Variants in MED12L observed in about 807,000 individuals in gnomAD.
MED12L encodes the protein mediator of RNA polymerase II transcription subunit 12-like protein.
MED12L carries 60 observed loss-of-function variants against 281.3 expected under a neutral mutation model. That is an observed-to-expected ratio of 0.21 (90% CI 0.17 to 0.26). The LOEUF is 0.26. Ranked by LOEUF, MED12L falls within the 10% of genes least tolerant of loss-of-function variation. The pLI is 1.00. For missense variants in MED12L, 2,146 were observed against 2,680.9 expected (o/e 0.80, Z 4.41); for synonymous variants, 974 against 987.2 (o/e 0.99, Z 0.25).
rs542769079 is a variant in MED12L at position 151,170,593 on chromosome 3, A to G, written c.1494+4611A>G. Among the ~76,000 whole-genome samples the G allele has an allele frequency of 4.6e-5, 7 of 150,926 alleles. No homozygotes were observed. In the East Asian group the frequency reaches 1.4e-3, roughly 29 times the overall value. On this transcript the variant is annotated intron_variant, in intron 11 of 44. Transcript: ENST00000687756. ...CTGGCCTGGAATGTGCTAATTCTTT[A>G]CTCTCCCTCCCTGTTGCCCTTTACC...
chr3:151,331,921 A>G (rs571314097), intron 16 of MED12L, among the ~76,000 whole-genome samples: 6 of 152,340 alleles, frequency 3.9e-5, no homozygotes, highest in African/African-American at 9.6e-5. Flanking sequence ...TCCAGAGCCC[A>G]TGCTTGGAAC....
intron 16 of MED12L, among the ~76,000 whole-genome samples, chr3:151,280,607 T>G (rs1742652331): frequency 6.6e-6 from 1 of 151,854 alleles, no homozygotes; most frequent in South Asian, 2.1e-4. Context: ...AAAACCTGAG[T>G]GTGCACTGTA....
intron 2 of MED12L, among the ~76,000 whole-genome samples, chr3:151,090,779 C>T (rs1446837944): frequency 6.6e-6 from 1 of 152,180 alleles, no homozygotes; most frequent in Admixed American, 6.5e-5. Context: ...GTGGCTCATG[C>T]CTGTAATCCC....
chr3:151,086,898 A>T lies in MED12L; in HGVS notation c.-29A>T, dbSNP rs774081185. On this transcript the variant is annotated 5_prime_UTR_variant, in exon 2 of 45. Coordinates refer to ENST00000687756, the MANE Select transcript of MED12L (RefSeq NM_001393769.1). ...GGCGGCTGCTCCAGCTCCAACTCTC[A>T]TTCATTTCGCCGGTTAACATGAGAG... The T allele has an allele frequency of 1.3e-6, 2 of 1,549,966 alleles. No individual in the cohort carries two copies. The highest frequency in any genetic ancestry group is 1.7e-6 in the Non-Finnish European group (2 of 1,144,764).
chr3:151,357,260 C>G lies in MED12L; in HGVS notation c.2709C>G (p.Ser903=). Residue 903 remains serine, a synonymous_variant, in exon 20 of 45, where the codon TCC becomes TCG. Transcript: ENST00000687756. The part of the protein sequence containing the change: ...SVVEAELLLK[S]SSLAGSYTTG... ...TGGAAGCTGAACTGCTCCTAAAATC[C>G]TCCAGCCTGGCAGGAAGTTATACAA... 1 of 1,613,478 alleles carries G rather than the reference C, an allele frequency of 6.2e-7. No homozygotes were observed. Among genetic ancestry groups the G allele is most frequent in the Non-Finnish European group, 8.5e-7 (1 of 1,179,684 alleles).
chr3:151,222,039 G>A (rs995074000), intron 16 of MED12L, among the ~76,000 whole-genome samples: 1 of 152,242 alleles, frequency 6.6e-6, no homozygotes, highest in African/African-American at 2.4e-5. Context: ...TGTGAGACAT[G>A]GAGTCAAAGG....
chr3:151,204,492 A>G (rs2149172812), intron 16 of MED12L, among the ~76,000 whole-genome samples: 1 of 152,350 alleles, frequency 6.6e-6, no homozygotes, highest in Middle Eastern at 3.4e-3. Context: ...TAGGAGGGAA[A>G]AAGCAAATGT....
chr3:151,328,309 G>T, intron 16 of MED12L: 3 of 1,613,684 alleles, frequency 1.9e-6, no homozygotes, highest in Non-Finnish European at 1.7e-6. Flanking sequence ...GCTTTTTGTT[G>T]TTTTTTCTGT....
chr3:151,198,914 T>G (rs752799514), intron 16 of MED12L: 1 of 1,613,972 alleles, frequency 6.2e-7, no homozygotes, highest in African/African-American at 1.3e-5. Context: ...TGACTTTTCC[T>G]TGATGTCTTT....
At chr3:151,269,088 A>C (rs895782802) in intron 16 of MED12L, among the ~76,000 whole-genome samples, 3 of 152,122 alleles carry the variant, frequency 2.0e-5, no homozygotes, top group Non-Finnish European at 2.9e-5. Context: ...GAACAGAAAG[A>C]AGCAATTGAA....
At chr3:151,357,744 C>T (rs765116868) in intron 20 of MED12L, among the ~76,000 whole-genome samples, 17 of 152,200 alleles carry the variant, frequency 1.1e-4, no homozygotes, top group Non-Finnish European at 1.5e-4. Flanking sequence ...GCAGACTCAA[C>T]ATCAAATAAG....
chr3:151,334,196 C>CCTTTTTTTTTTTTTTT (rs1750689705), intron 16 of MED12L, among the ~76,000 whole-genome samples: 1 of 118,228 alleles, frequency 8.5e-6, no homozygotes, highest in Non-Finnish European at 1.7e-5. Context: ...TTCTTTCTTT[C>CCTTTTTTTTTTTTTTT]TTTTTTTTTT....
chr3:151,274,281 C>T (rs2149575945), intron 16 of MED12L, among the ~76,000 whole-genome samples: 1 of 152,256 alleles, frequency 6.6e-6, no homozygotes, highest in South Asian at 2.1e-4. Flanking sequence ...AACTAACTTG[C>T]CTCAGTGGTA....
rs71848482 is a variant in MED12L at position 151,334,192 on chromosome 3, C to CTTTTTTTTTTTTTTTTTTT, written c.2251-15864_2251-15863insTTTTTTTTTTTTTTTTTTT. On this transcript the variant is annotated intron_variant, in intron 16 of 44. Transcript: ENST00000687756. Reference sequence around the variant, plus strand: ...GATGTTATGTGTTTTTTCTTTCTTTCTTTCTTTTTTTTTTTGCCATTTCTA... The same window carrying CTTTTTTTTTTTTTTTTTTT: ...GATGTTATGTGTTTTTTCTTTCTTTCTTTTTTTTTTTTTTTTTTTTTTCTTTTTTTTTTTGCCATTTCTA... Among the ~76,000 whole-genome samples the CTTTTTTTTTTTTTTTTTTT allele has an allele frequency of 3.4e-3, 338 of 99,304 alleles. 24 individuals carry two copies. Among genetic ancestry groups the CTTTTTTTTTTTTTTTTTTT allele is most frequent in the East Asian group, 4.3e-3 (13 of 3,056 alleles). The allele number at this position is 99,304 out of a possible 152,430, so 65.1% of individuals were successfully genotyped here. A position where few individuals can be genotyped will look rare whatever the true frequency, so the allele number is the denominator to read the frequency against.
At chr3:151,422,953 G>GTT (rs61502768) in intron 43 of MED12L, among the ~76,000 whole-genome samples, 93,404 of 140,746 alleles carry the variant, frequency 0.66, 31,962 homozygotes, top group Middle Eastern at 0.86. Context: ...ACAGAACTAG[G>GTT]TTTTTTTTTT....
At chr3:151,398,814 T>G (rs182276225) in intron 39 of MED12L, among the ~76,000 whole-genome samples, 3 of 152,334 alleles carry the variant, frequency 2.0e-5, no homozygotes, top group Admixed American at 2.0e-4. Context: ...ATGGACCATG[T>G]TTTTTCCTAT....
chr3:151,372,802 G>A (rs751297766), intron 27 of MED12L, 36 bp downstream of exon 27: 73 of 1,548,350 alleles, frequency 4.7e-5, no homozygotes, highest in Middle Eastern at 1.7e-4. Context: ...CTTTGAGTAC[G>A]TAACTCTTCT....
intron 43 of MED12L, among the ~76,000 whole-genome samples, chr3:151,421,086 G>A (rs573237701): frequency 3.0e-4 from 45 of 152,278 alleles, no homozygotes; most frequent in Admixed American, 4.6e-4. Flanking sequence ...CATCCTTTAT[G>A]AGTGGAAGTC....
At chr3:151,229,087 G>A (rs2904431) in intron 16 of MED12L, among the ~76,000 whole-genome samples, 131,337 of 152,194 alleles carry the variant, frequency 0.86, 56,924 homozygotes, top group African/African-American at 0.95. Context: ...AACCACTTGT[G>A]TGTTTGTTCA....
Sources: gnomAD v4.1 joint callset for allele counts (sites outside exome capture counted in the v4.1 genomes callset) on GRCh38, gnomAD v4.1.1 for gene constraint, MANE v1.5 for transcripts, NCBI Gene and HGNC (gene_info 2026-07-23, HGNC 2026-07-21) for gene names.